Variants in GALNT13 observed in about 807,000 individuals in gnomAD.
The protein encoded by GALNT13 is UDP-GalNAc:polypeptide N-acetylgalactosaminyltransferase 13.
GALNT13 carries 28 observed loss-of-function variants against 64.2 expected under a neutral mutation model. The ratio of observed to expected loss-of-function variants is 0.44; its 90% confidence interval spans 0.32 to 0.60. GALNT13 has a LOEUF of 0.60. GALNT13 is among the 20% of genes least tolerant of loss of function. GALNT13 has a pLI of 0.05. For missense variants in GALNT13, 577 were observed against 669.8 expected, an observed-to-expected ratio of 0.86 and a Z score of 1.53; for synonymous variants, 214 against 224.6, an observed-to-expected ratio of 0.95 and a Z score of 0.42.
the GALNT13 span, among the ~76,000 whole-genome samples, chr2:153,409,756 T>A: frequency 6.6e-6 from 1 of 152,034 alleles, no homozygotes; most frequent in Non-Finnish European, 1.5e-5. Context: ...TTAAGGAAAT[T>A]TCCCAGGATA....
the GALNT13 span, among the ~76,000 whole-genome samples, chr2:153,335,041 G>C: frequency 1.5e-4 from 23 of 152,148 alleles, no homozygotes; most frequent in Non-Finnish European, 3.2e-4. Flanking sequence ...GGGTTTATCA[G>C]GGGTTTCCGC....
chr2:153,278,639 A>G, the GALNT13 span, among the ~76,000 whole-genome samples: 1 of 152,028 alleles, frequency 6.6e-6, no homozygotes. Flanking sequence ...TATTCTTGTC[A>G]ACATTGTCAA....
the GALNT13 span, among the ~76,000 whole-genome samples, chr2:153,163,745 C>T: frequency 7.3e-4 from 111 of 152,284 alleles, no homozygotes; most frequent in African/African-American, 2.5e-3. Flanking sequence ...GCTGGCCGGA[C>T]GCGGAGGCTC....
the GALNT13 span, among the ~76,000 whole-genome samples, chr2:153,719,526 T>A: frequency 1.3e-5 from 2 of 152,146 alleles, no homozygotes; most frequent in Non-Finnish European, 2.9e-5. Context: ...AGACGGGTGA[T>A]TTCTGCATTT....
At chr2:154,409,940 CTG>C (rs1315967232) in intron 11 of GALNT13, among the ~76,000 whole-genome samples, 1 of 151,822 alleles carries the variant, frequency 6.6e-6, no homozygotes, top group African/African-American at 2.4e-5. Context: ...AAAATGAACT[CTG>C]TTGAGTTTTG....
chr2:153,710,864 C>T, the GALNT13 span, among the ~76,000 whole-genome samples: 2 of 151,642 alleles, frequency 1.3e-5, no homozygotes, highest in African/African-American at 4.8e-5. Flanking sequence ...TTTTAAACAT[C>T]GAGTGGTCTT....
At chr2:153,858,114 TC>T in the GALNT13 span, among the ~76,000 whole-genome samples, 1 of 152,180 alleles carries the variant, frequency 6.6e-6, no homozygotes, top group East Asian at 1.9e-4. Flanking sequence ...AATTAGGTGA[TC>T]TTAAATTAAG....
intron 4 of GALNT13, among the ~76,000 whole-genome samples, chr2:154,227,124 G>T (rs1390368128): frequency 1.3e-5 from 2 of 151,966 alleles, no homozygotes; most frequent in Admixed American, 6.6e-5. Context: ...GGACTTCTAG[G>T]CTCAGTACAT....
the GALNT13 span, among the ~76,000 whole-genome samples, chr2:153,410,031 A>G: frequency 6.6e-6 from 1 of 152,226 alleles, no homozygotes; most frequent in Non-Finnish European, 1.5e-5. Context: ...AGCCTTATAT[A>G]CAGATTAGAA....
the GALNT13 span, among the ~76,000 whole-genome samples, chr2:153,699,839 G>A: frequency 6.6e-6 from 1 of 152,094 alleles, no homozygotes; most frequent in African/African-American, 2.4e-5. Flanking sequence ...TGAAATTGAG[G>A]CAGTGTTTAA....
chr2:154,394,548 C>T (rs1431717862), intron 9 of GALNT13, among the ~76,000 whole-genome samples: 1 of 152,100 alleles, frequency 6.6e-6, no homozygotes, highest in African/African-American at 2.4e-5. Flanking sequence ...TTTTGCCTCC[C>T]CACCAGGCAC....
intron 4 of GALNT13, among the ~76,000 whole-genome samples, chr2:154,152,816 C>G (rs1206189426): frequency 6.6e-6 from 1 of 152,162 alleles, no homozygotes; most frequent in Non-Finnish European, 1.5e-5. Flanking sequence ...ATTGGTTATT[C>G]TAGTTCTACA....
chr2:153,495,322 C>CAAACAACAACAACAA, the GALNT13 span, among the ~76,000 whole-genome samples: 1 of 150,392 alleles, frequency 6.6e-6, no homozygotes, highest in Non-Finnish European at 1.5e-5. Flanking sequence ...AACAAACAAA[C>CAAACAACAACAACAA]AAACAACAAC....
chr2:153,723,140 T>C, the GALNT13 span, among the ~76,000 whole-genome samples: 1 of 139,334 alleles, frequency 7.2e-6, no homozygotes, highest in African/African-American at 2.8e-5. Context: ...GATGCAAGGC[T>C]GGTTCAATAT....
At chr2:154,218,418 C>T (rs1185635786) in intron 4 of GALNT13, among the ~76,000 whole-genome samples, 1 of 151,932 alleles carries the variant, frequency 6.6e-6, no homozygotes, top group Non-Finnish European at 1.5e-5. Flanking sequence ...AGAAATATGC[C>T]CTCCCTTCAC....
At chr2:153,173,868 T>C in the GALNT13 span, among the ~76,000 whole-genome samples, 5 of 152,182 alleles carry the variant, frequency 3.3e-5, no homozygotes, top group Admixed American at 1.3e-4. Context: ...TTTTTCATCA[T>C]TGAAATTGTG....
intron 4 of GALNT13, among the ~76,000 whole-genome samples, chr2:154,161,323 G>A (rs149848068): frequency 4.2e-3 from 632 of 152,138 alleles, no homozygotes; most frequent in African/African-American, 0.015. Flanking sequence ...TCATTTAAGA[G>A]ATCTAAAAGT....
the GALNT13 span, among the ~76,000 whole-genome samples, chr2:153,417,354 A>C: frequency 6.6e-6 from 1 of 152,276 alleles, no homozygotes; most frequent in African/African-American, 2.4e-5. Context: ...TCTCTCTCAG[A>C]GTGAGAGGAG....
chr2:154,247,902 A>G (rs1689865262), intron 7 of GALNT13, among the ~76,000 whole-genome samples: 2 of 152,098 alleles, frequency 1.3e-5, no homozygotes, highest in South Asian at 2.1e-4. Context: ...TTCGGTTGTA[A>G]CAGCCTGCAG....
Sources: allele counts gnomAD v4.1 joint callset (sites outside exome capture counted in the v4.1 genomes callset), GRCh38; gene constraint gnomAD v4.1.1; transcripts MANE v1.5; gene names NCBI Gene and HGNC (gene_info 2026-07-23, HGNC 2026-07-21).